GRM1: variants seen among roughly 807,000 people sequenced by gnomAD.
GRM1 encodes the protein metabotropic glutamate receptor 1.
In GRM1, 33 loss-of-function variants were observed where a neutral mutation model predicts 90.9. That is an observed-to-expected ratio of 0.36 (90% confidence interval 0.28 to 0.49). GRM1 has a LOEUF of 0.49. GRM1 is among the 20% of genes least tolerant of loss of function. The probability of loss-of-function intolerance (pLI) is 0.99; values close to 1 mark genes in which losing one functional copy is unlikely to be tolerated. For synonymous variants in GRM1, 700 were observed against 613.2 expected (o/e 1.14, Z -2.09); for missense variants, 1,190 against 1,534.3 (o/e 0.78, Z 3.75).
At chr6:146,106,185 A>T (rs910327204) in intron 1 of GRM1, among the ~76,000 whole-genome samples, 1 of 152,202 alleles carries the variant, frequency 6.6e-6, no homozygotes, top group African/African-American at 2.4e-5. Flanking sequence ...TCTTTTGTAA[A>T]ATGTGATTAG....
intron 1 of GRM1, among the ~76,000 whole-genome samples, chr6:146,126,233 G>A (rs1365836289): frequency 6.6e-6 from 1 of 152,050 alleles, no homozygotes; most frequent in Non-Finnish European, 1.5e-5. Context: ...GACAATGAAT[G>A]TTTATCTTTT....
At chr6:146,355,324 A>G (rs938172704) in intron 4 of GRM1, among the ~76,000 whole-genome samples, 2 of 152,194 alleles carry the variant, frequency 1.3e-5, no homozygotes, top group Admixed American at 6.5e-5. Flanking sequence ...TCTCACTTGG[A>G]TATCACTCAG....
intron 6 of GRM1, among the ~76,000 whole-genome samples, chr6:146,388,466 A>T (rs1444175563): frequency 1.3e-5 from 2 of 152,098 alleles, no homozygotes; most frequent in East Asian, 3.9e-4. Context: ...GGTAAGTAGA[A>T]CTAGGTCACG....
intron 2 of GRM1, among the ~76,000 whole-genome samples, chr6:146,275,190 A>G (rs1422692524): frequency 6.6e-6 from 1 of 152,216 alleles, no homozygotes; most frequent in Non-Finnish European, 1.5e-5. Flanking sequence ...AAACAAAACA[A>G]AACAAAACAA....
upstream of GRM1, among the ~76,000 whole-genome samples, chr6:146,029,010 G>T (rs558601276): frequency 3.9e-5 from 6 of 152,320 alleles, no homozygotes; most frequent in East Asian, 9.7e-4. Context: ...GGACCCGTGA[G>T]GACAGAGGGG....
intron 1 of GRM1, among the ~76,000 whole-genome samples, chr6:146,116,640 A>C (rs1775759423): frequency 6.6e-6 from 1 of 152,124 alleles, no homozygotes; most frequent in Non-Finnish European, 1.5e-5. Flanking sequence ...AGAATCAAAG[A>C]ATGTATTAAC....
intron 3 of GRM1, among the ~76,000 whole-genome samples, chr6:146,339,189 A>G (rs1222500636): frequency 6.6e-6 from 1 of 152,218 alleles, no homozygotes; most frequent in Non-Finnish European, 1.5e-5. Flanking sequence ...TTATTCTAGA[A>G]GCAAGTAAAA....
At chr6:146,354,077 C>A (rs1047300828) in intron 4 of GRM1, among the ~76,000 whole-genome samples, 1 of 152,220 alleles carries the variant, frequency 6.6e-6, no homozygotes, top group African/African-American at 2.4e-5. Context: ...CTGTTAAAAT[C>A]TGACAGCTCT....
intron 3 of GRM1, among the ~76,000 whole-genome samples, chr6:146,311,327 T>A (rs567804274): frequency 7.9e-5 from 12 of 152,374 alleles, no homozygotes; most frequent in African/African-American, 2.9e-4. Context: ...TATGTTCTCA[T>A]ACAGTGCTGT....
intron 5 of GRM1, among the ~76,000 whole-genome samples, chr6:146,386,661 A>G (rs879899572): frequency 6.6e-6 from 1 of 152,104 alleles, no homozygotes; most frequent in Non-Finnish European, 1.5e-5. Context: ...AAAATGAATT[A>G]TTATTGAAAA....
chr6:146,034,589 A>G (rs1790818003), intron 1 of GRM1, among the ~76,000 whole-genome samples: 1 of 151,814 alleles, frequency 6.6e-6, no homozygotes, highest in Non-Finnish European at 1.5e-5. Context: ...AAGTTCTGGG[A>G]TTTTGATTGT....
chr6:146,153,555 A>C (rs778808800), intron 1 of GRM1, among the ~76,000 whole-genome samples: 1 of 152,186 alleles, frequency 6.6e-6, no homozygotes, highest in Non-Finnish European at 1.5e-5. Context: ...GCTGTCTATC[A>C]ATATGTGTAG....
chr6:146,365,645 C>G (rs1001113941), intron 5 of GRM1, among the ~76,000 whole-genome samples: 2 of 152,142 alleles, frequency 1.3e-5, no homozygotes, highest in Non-Finnish European at 2.9e-5. Context: ...ATGCAGGGTA[C>G]TCATCCTACC....
chr6:146,079,746 A>G (rs956881696), intron 1 of GRM1, among the ~76,000 whole-genome samples: 3 of 152,204 alleles, frequency 2.0e-5, no homozygotes, highest in African/African-American at 7.2e-5. Flanking sequence ...AATATAGAAC[A>G]TTAGTGGCTC....
chr6:146,189,959 A>G (rs914520173), intron 2 of GRM1, among the ~76,000 whole-genome samples: 1 of 152,210 alleles, frequency 6.6e-6, no homozygotes, highest in African/African-American at 2.4e-5. Flanking sequence ...TCTATGTTAC[A>G]GTGTTTTGCT....
At chr6:146,046,720 G>A (rs888807715) in intron 1 of GRM1, among the ~76,000 whole-genome samples, 1 of 151,936 alleles carries the variant, frequency 6.6e-6, no homozygotes, top group Non-Finnish European at 1.5e-5. Context: ...GCAAATATAT[G>A]TAAAAAATTA....
At chr6:146,260,717 G>A (rs1049005300) in intron 2 of GRM1, among the ~76,000 whole-genome samples, 11 of 148,740 alleles carry the variant, frequency 7.4e-5, no homozygotes, top group African/African-American at 2.7e-4. Context: ...TTAATGAGCA[G>A]CTTTTCATAA....
chr6:146,159,941 G>GAAAA, intron 2 of GRM1: 1 of 186,078 alleles, frequency 5.4e-6, no homozygotes, highest in Admixed American at 5.9e-5. Flanking sequence ...AAAAAGGAAA[G>GAAAA]AAAGAAAAAC....
At chr6:146,228,447 A>C (rs1415152274) in intron 2 of GRM1, among the ~76,000 whole-genome samples, 4 of 152,170 alleles carry the variant, frequency 2.6e-5, no homozygotes, top group African/African-American at 4.8e-5. Context: ...CCATTCCCAA[A>C]ATAACAAATT....
Sources: gnomAD v4.1 joint callset for allele counts (sites outside exome capture counted in the v4.1 genomes callset) on GRCh38, gnomAD v4.1.1 for gene constraint, MANE v1.5 for transcripts, NCBI Gene and HGNC (gene_info 2026-07-23, HGNC 2026-07-21) for gene names.